The following SGCZ variants were observed in gnomAD, a reference collection of about 807,000 sequenced individuals.
SGCZ encodes the protein sarcoglycan zeta, also known as zeta-sarcoglycan.
SGCZ carries 40 observed loss-of-function variants against 41.3 expected under a neutral mutation model. The ratio of observed to expected loss-of-function variants is 0.97; its 90% CI spans 0.75 to 1.26. The LOEUF (loss-of-function observed/expected upper bound fraction) is 1.26, where lower values mean the gene tolerates loss of function less well. SGCZ is among the 50% of genes most tolerant of loss of function. SGCZ has a pLI of 0.00. For synonymous variants in SGCZ, 206 were observed against 137.5 expected, an observed-to-expected ratio of 1.50 and a Z score of -3.49; for missense variants, 552 against 369.8, an observed-to-expected ratio of 1.49 and a Z score of -4.04.
intron 1 of SGCZ, among the ~76,000 whole-genome samples, chr8:14,763,190 C>T (rs1799943371): frequency 6.6e-6 from 1 of 152,122 alleles, no homozygotes. Context: ...ACTGGCCTGT[C>T]AAGTTCTTAG....
intron 1 of SGCZ, among the ~76,000 whole-genome samples, chr8:15,060,912 G>C (rs1156756225): frequency 6.6e-6 from 1 of 152,062 alleles, no homozygotes; most frequent in African/African-American, 2.4e-5. Context: ...GGATTGCTTC[G>C]ATACTCCACC....
rs1802714907 is a variant in SGCZ, at chr8:14,836,740, A to G, written c.40-281814T>C. On this transcript the variant is annotated intron_variant, in intron 1 of 7. Coordinates refer to ENST00000382080, the MANE Select transcript of SGCZ (RefSeq NM_139167.4). ...GGTCTCAAACTCCTTGAGCTCAAGC[A>G]ATCCACCCACCTCGGCTTCCCAAAG... Among the ~76,000 whole-genome samples, 3 of 152,162 alleles carry G rather than the reference A, an allele frequency of 2.0e-5. 1 individual carries two copies. The South Asian group carries it at 6.2e-4, about 32-fold the overall frequency.
chr8:14,799,185 A>G (rs1801233689), intron 1 of SGCZ, among the ~76,000 whole-genome samples: 1 of 152,164 alleles, frequency 6.6e-6, no homozygotes, highest in Non-Finnish European at 1.5e-5. Context: ...TACTTTATAA[A>G]GATATTTAGA....
chr8:14,731,443 G>A (rs1437493360), intron 1 of SGCZ, among the ~76,000 whole-genome samples: 1 of 152,046 alleles, frequency 6.6e-6, no homozygotes, highest in Non-Finnish European at 1.5e-5. Flanking sequence ...TAGATGATGG[G>A]TTGATAGGTG....
chr8:14,558,745 A>C (rs1037902391), intron 1 of SGCZ, among the ~76,000 whole-genome samples: 1 of 152,146 alleles, frequency 6.6e-6, no homozygotes, highest in East Asian at 1.9e-4. Context: ...TTAACAAAAT[A>C]CTAGCTAACC....
intron 1 of SGCZ, among the ~76,000 whole-genome samples, chr8:15,110,933 A>C (rs776987479): frequency 2.0e-5 from 3 of 152,080 alleles, no homozygotes; most frequent in Non-Finnish European, 4.4e-5. Flanking sequence ...GCGCCATTGC[A>C]CTCCAGTCTG....
chr8:14,378,721 G>C (rs925799503), intron 2 of SGCZ, among the ~76,000 whole-genome samples: 2 of 152,146 alleles, frequency 1.3e-5, no homozygotes, highest in South Asian at 2.1e-4. Flanking sequence ...GACTGACTGA[G>C]CCCTTAACTT....
At chr8:14,998,439 C>G (rs566381511) in intron 1 of SGCZ, among the ~76,000 whole-genome samples, 3 of 152,306 alleles carry the variant, frequency 2.0e-5, no homozygotes, top group African/African-American at 7.2e-5. Context: ...GTGACTTTAA[C>G]AGCAGAAAAT....
chr8:15,012,530 G>A (rs539654822), intron 1 of SGCZ, among the ~76,000 whole-genome samples: 93 of 81,758 alleles, frequency 1.1e-3, no homozygotes, highest in African/African-American at 5.5e-3. Flanking sequence ...ATAAACATAT[G>A]AACATATAAA....
intron 1 of SGCZ, among the ~76,000 whole-genome samples, chr8:15,100,025 T>C (rs190463582): frequency 2.0e-5 from 3 of 152,114 alleles, no homozygotes; most frequent in Admixed American, 6.6e-5. Flanking sequence ...AAGAGATAAT[T>C]TTTCCCAAAA....
chr8:14,754,725 T>A (rs1799603704), intron 1 of SGCZ, among the ~76,000 whole-genome samples: 1 of 152,184 alleles, frequency 6.6e-6, no homozygotes, highest in South Asian at 2.1e-4. Context: ...GTTTTTGTTT[T>A]GACACATAGT....
chr8:14,695,117 C>A (rs1808915927), intron 1 of SGCZ, among the ~76,000 whole-genome samples: 1 of 151,162 alleles, frequency 6.6e-6, no homozygotes, highest in Non-Finnish European at 1.5e-5. Flanking sequence ...TAGACAGTTT[C>A]AAGAAAAGGA....
intron 3 of SGCZ, among the ~76,000 whole-genome samples, chr8:14,316,576 G>A (rs190833268): frequency 6.6e-6 from 1 of 151,846 alleles, no homozygotes; most frequent in Non-Finnish European, 1.5e-5. Context: ...ATCAGAGGCT[G>A]TTTTGCACTC....
At chr8:15,136,856 T>C (rs113941523) in intron 1 of SGCZ, among the ~76,000 whole-genome samples, 11,702 of 152,110 alleles carry the variant, frequency 0.077, 606 homozygotes, top group Middle Eastern at 0.13. Flanking sequence ...TTGGTACTGG[T>C]AGAGTGAGGT....
intron 1 of SGCZ, among the ~76,000 whole-genome samples, chr8:14,929,670 G>C (rs1799869854): frequency 1.3e-5 from 2 of 151,998 alleles, no homozygotes; most frequent in African/African-American, 2.4e-5. Flanking sequence ...CCTTTTGTAA[G>C]GCCCTTTGTT....
intron 1 of SGCZ, among the ~76,000 whole-genome samples, chr8:14,784,024 T>C (rs908153061): frequency 6.6e-6 from 1 of 151,412 alleles, no homozygotes; most frequent in African/African-American, 2.4e-5. Context: ...ATTCTAACCT[T>C]TAAATTTCAG....
intron 1 of SGCZ, among the ~76,000 whole-genome samples, chr8:14,557,015 T>G (rs1045837093): frequency 6.6e-6 from 1 of 152,106 alleles, no homozygotes; most frequent in African/African-American, 2.4e-5. Context: ...CCCCACTATT[T>G]TCCATAATGT....
intron 4 of SGCZ, among the ~76,000 whole-genome samples, chr8:14,177,267 T>A (rs1207723087): frequency 6.6e-6 from 1 of 152,090 alleles, no homozygotes; most frequent in Non-Finnish European, 1.5e-5. Context: ...TGTGCTGTTG[T>A]TGCAATAAGG....
At chr8:14,327,642 A>G (rs962527265) in intron 2 of SGCZ, among the ~76,000 whole-genome samples, 3 of 152,196 alleles carry the variant, frequency 2.0e-5, no homozygotes, top group Non-Finnish European at 2.9e-5. Flanking sequence ...TGCTATGTGC[A>G]TCTTTGATTT....
Sources: allele counts gnomAD v4.1 joint callset (sites outside exome capture counted in the v4.1 genomes callset), GRCh38; gene constraint gnomAD v4.1.1; transcripts MANE v1.5; gene names NCBI Gene and HGNC (gene_info 2026-07-23, HGNC 2026-07-21).